Variants in TSPAN5 observed in about 807,000 individuals in gnomAD.
TSPAN5 encodes the protein tetraspanin 5, also known as tetraspanin-5.
Under a neutral mutation model 37.1 loss-of-function variants are expected in TSPAN5, and 10 were observed. The observed-to-expected ratio is 0.27, with a 90% CI of 0.17 to 0.46. The LOEUF is 0.46. Among genes scored for constraint, TSPAN5 ranks in the 20% least tolerant of loss-of-function variants. The pLI is 1.00. For missense variants in TSPAN5, 195 were observed against 326.6 expected, an observed-to-expected ratio of 0.60 and a Z score of 3.11; for synonymous variants, 110 against 118.9, an observed-to-expected ratio of 0.93 and a Z score of 0.48.
intron 1 of TSPAN5, among the ~76,000 whole-genome samples, chr4:98,630,090 C>T (rs1365704332): frequency 6.6e-6 from 1 of 152,116 alleles, no homozygotes; most frequent in Non-Finnish European, 1.5e-5. Context: ...CCTGAATTCA[C>T]GCTCGAGTTG....
chr4:98,650,542 T>C (rs1326560187), intron 1 of TSPAN5, among the ~76,000 whole-genome samples: 1 of 152,174 alleles, frequency 6.6e-6, no homozygotes, highest in Non-Finnish European at 1.5e-5. Flanking sequence ...TTATAAAATA[T>C]GGAGAGGAAA....
At chr4:98,506,095 G>T (rs1389046163) in intron 2 of TSPAN5, among the ~76,000 whole-genome samples, 1 of 151,850 alleles carries the variant, frequency 6.6e-6, no homozygotes, top group Non-Finnish European at 1.5e-5. Flanking sequence ...ATTACCAACT[G>T]CTGTTTATTG....
At chr4:98,614,964 A>G (rs933904551) in intron 1 of TSPAN5, among the ~76,000 whole-genome samples, 5 of 152,218 alleles carry the variant, frequency 3.3e-5, no homozygotes, top group African/African-American at 1.2e-4. Flanking sequence ...CCAACAACAT[A>G]GGGCAACATA....
At chr4:98,541,615 C>T (rs1158454032) in intron 1 of TSPAN5, among the ~76,000 whole-genome samples, 2 of 141,224 alleles carry the variant, frequency 1.4e-5, no homozygotes, top group African/African-American at 5.3e-5. Context: ...GGGGAGGGTG[C>T]AGTGAGCCGA....
intron 1 of TSPAN5, among the ~76,000 whole-genome samples, chr4:98,548,120 G>A (rs1288156972): frequency 2.0e-5 from 3 of 151,722 alleles, no homozygotes; most frequent in Non-Finnish European, 4.4e-5. Context: ...ACTCTCCCAC[G>A]GTCTCTTAGA....
In TSPAN5 at chr4:98,549,312, G is replaced by GT. The variant is rs1198769983; in HGVS notation, c.82-41585dup. Among the ~76,000 whole-genome samples, 15 of 14,496 alleles carry GT rather than the reference G, an allele frequency of 1.0e-3. 1 individual carries two copies. The South Asian group carries it at 0.016, about 16-fold the overall frequency. 9.5% of individuals were successfully genotyped at this position (14,496 alleles called of 152,430 possible). ...TGTTTGTTTGTTTTTGTTTTTTTTT[G>GT]TTTTTTTTGAGGCAGAGTCTCACTC... On this transcript the variant is annotated intron_variant, in intron 1 of 7. Coordinates refer to ENST00000305798, the MANE Select transcript of TSPAN5 (RefSeq NM_005723.4).
chr4:98,486,122 A>C (rs995109999), intron 3 of TSPAN5, among the ~76,000 whole-genome samples: 4 of 152,110 alleles, frequency 2.6e-5, no homozygotes, highest in African/African-American at 9.7e-5. Flanking sequence ...TTCACTTTTC[A>C]TTCTCTATTT....
intron 1 of TSPAN5, among the ~76,000 whole-genome samples, chr4:98,613,557 A>T (rs1373362657): frequency 6.6e-6 from 1 of 152,212 alleles, no homozygotes; most frequent in Non-Finnish European, 1.5e-5. Flanking sequence ...CAAAACACCA[A>T]GGTCCAAAAT....
intron 7 of TSPAN5, among the ~76,000 whole-genome samples, chr4:98,475,983 C>T (rs918970168): frequency 5.3e-5 from 8 of 151,618 alleles, no homozygotes; most frequent in Non-Finnish European, 1.0e-4. Context: ...GAGCAAGACT[C>T]CATCTCAAAA....
chr4:98,618,042 T>G (rs1245848552), intron 1 of TSPAN5, among the ~76,000 whole-genome samples: 1 of 152,200 alleles, frequency 6.6e-6, no homozygotes, highest in Non-Finnish European at 1.5e-5. Context: ...TACACAACCT[T>G]GGAGAGAACC....
At chr4:98,642,525 A>G (rs883509) in intron 1 of TSPAN5, among the ~76,000 whole-genome samples, 46,159 of 152,106 alleles carry the variant, frequency 0.3, 7,475 homozygotes, top group Non-Finnish European at 0.37. Context: ...AGTATACTAC[A>G]GTAAAGAAAT....
At chr4:98,651,937 A>G (rs940060059) in intron 1 of TSPAN5, among the ~76,000 whole-genome samples, 1 of 141,272 alleles carries the variant, frequency 7.1e-6, no homozygotes, top group African/African-American at 2.7e-5. Flanking sequence ...TGCAGCCTCA[A>G]CCTCCCAGGC....
chr4:98,556,138 T>TACACACTGTCTTGGCCCCAG (rs1169529309), intron 1 of TSPAN5, among the ~76,000 whole-genome samples: 31 of 149,806 alleles, frequency 2.1e-4, no homozygotes, highest in Non-Finnish European at 3.4e-4. Context: ...TCACAATCCT[T>TACACACTGTCTTGGCCCCAG]ACACACTGTC....
At chr4:98,599,267 A>G (rs1579020039) in intron 1 of TSPAN5, among the ~76,000 whole-genome samples, 2 of 152,118 alleles carry the variant, frequency 1.3e-5, no homozygotes, top group East Asian at 1.9e-4. Context: ...CAGCCTCCTG[A>G]GTAGGTAAGA....
chr4:98,537,420 G>A (rs912789069), intron 1 of TSPAN5, among the ~76,000 whole-genome samples: 7 of 152,100 alleles, frequency 4.6e-5, no homozygotes, highest in Non-Finnish European at 7.4e-5. Flanking sequence ...GCTACAGACC[G>A]GAGCTGTTCC....
intron 1 of TSPAN5, among the ~76,000 whole-genome samples, chr4:98,563,607 C>A (rs1046506339): frequency 1.3e-5 from 2 of 152,214 alleles, no homozygotes; most frequent in African/African-American, 4.8e-5. Flanking sequence ...TAGCTTTCCA[C>A]ACACTTTTCA....
intron 1 of TSPAN5, among the ~76,000 whole-genome samples, chr4:98,519,601 C>A (rs919490071): frequency 6.6e-6 from 1 of 152,136 alleles, no homozygotes; most frequent in African/African-American, 2.4e-5. Flanking sequence ...AGAAAACGTC[C>A]CAGTTTTTAG....
chr4:98,624,099 A>G (rs143608923), intron 1 of TSPAN5, among the ~76,000 whole-genome samples: 9 of 152,142 alleles, frequency 5.9e-5, no homozygotes, highest in Admixed American at 3.9e-4. Flanking sequence ...ATTAGTCACA[A>G]TCAGCCACAT....
chr4:98,572,480 C>T (rs574185211), intron 1 of TSPAN5, among the ~76,000 whole-genome samples: 2 of 152,162 alleles, frequency 1.3e-5, no homozygotes, highest in Admixed American at 6.5e-5. Context: ...AGACTGAGAC[C>T]GCTACCTTCA....
Sources: gnomAD v4.1 joint callset for allele counts (sites outside exome capture counted in the v4.1 genomes callset) on GRCh38, gnomAD v4.1.1 for gene constraint, MANE v1.5 for transcripts, NCBI Gene and HGNC (gene_info 2026-07-23, HGNC 2026-07-21) for gene names.